TSPEAR: variants seen among roughly 807,000 people sequenced by gnomAD.
The protein encoded by TSPEAR is thrombospondin-type laminin G domain and EAR repeat-containing protein.
In TSPEAR, 69 loss-of-function variants were observed where a neutral mutation model predicts 71.6. The observed-to-expected ratio is 0.96, with a 90% confidence interval of 0.79 to 1.18. The LOEUF (loss-of-function observed/expected upper bound fraction) is 1.18, where lower values mean the gene tolerates loss of function less well. TSPEAR is among the 50% of genes most tolerant of loss of function. TSPEAR has a pLI of 0.00. For missense variants in TSPEAR, 971 were observed against 894.9 expected (o/e 1.09, Z -1.09); for synonymous variants, 402 against 387.2 (o/e 1.04, Z -0.45).
intron 1 of TSPEAR, among the ~76,000 whole-genome samples, chr21:44,570,371 C>A (rs1212091311): frequency 6.6e-6 from 1 of 152,218 alleles, no homozygotes; most frequent in Non-Finnish European, 1.5e-5. Context: ...GCAGATGAGT[C>A]CCTGACACAG....
At chr21:44,590,043 G>A (rs1254711533) in intron 1 of TSPEAR, among the ~76,000 whole-genome samples, 2 of 152,100 alleles carry the variant, frequency 1.3e-5, no homozygotes, top group African/African-American at 4.8e-5. Context: ...CGGCCCTGGG[G>A]ACGGCTGCTG....
chr21:44,585,425 T>G (rs1165360095), intron 1 of TSPEAR, among the ~76,000 whole-genome samples: 1 of 152,256 alleles, frequency 6.6e-6, no homozygotes, highest in Non-Finnish European at 1.5e-5. Context: ...CATCTTCTTT[T>G]AGTTCAAGGA....
intron 2 of TSPEAR, among the ~76,000 whole-genome samples, chr21:44,550,168 C>T (rs1464250575): frequency 6.6e-6 from 1 of 152,244 alleles, no homozygotes; most frequent in Non-Finnish European, 1.5e-5. Context: ...CCCCACAGGA[C>T]CTGGGAGGGG....
chr21:44,696,804 C>T (rs9981523), intron 1 of TSPEAR, among the ~76,000 whole-genome samples: 15,634 of 152,208 alleles, frequency 0.1, 855 homozygotes, highest in South Asian at 0.14. Context: ...CGGCTCCCTC[C>T]ACGGCCCCAC....
At chr21:44,539,947 T>C (rs201280651) in intron 2 of TSPEAR, 39 of 1,613,512 alleles carry the variant, frequency 2.4e-5, no homozygotes, top group African/African-American at 8.0e-5. Flanking sequence ...TGCAGCCTGA[T>C]TGGCAGGGGC....
chr21:44,686,482 C>CGGCCTCACACAGG (rs1569259523), intron 1 of TSPEAR: 1 of 153,460 alleles, frequency 6.5e-6, no homozygotes, highest in African/African-American at 2.4e-5. Context: ...TCTGCTGTGC[C>CGGCCTCACACAGG]GGCCCCTGTG....
At chr21:44,637,303 A>T (rs587689767) in intron 1 of TSPEAR, 1 of 1,404,160 alleles carries the variant, frequency 7.1e-7, no homozygotes, top group African/African-American at 1.4e-5. Flanking sequence ...CCTGCTGGGA[A>T]AACACAGGCC....
rs1367378735 is a variant in TSPEAR at position 44,635,550 on chromosome 21, AACAAAGCTAGAC to A, written c.83-67557_83-67546del. Among the ~76,000 whole-genome samples, 2 of 152,156 alleles carry A rather than the reference AACAAAGCTAGAC, an allele frequency of 1.3e-5. 1 individual carries two copies. The highest frequency in any genetic ancestry group is 2.9e-5 in the Non-Finnish European group (2 of 68,024). ...GTGTACCTTGAAAACATGCTGAGTGAACAAAGCTAGACACAAAGACCACATATTCCATGACTG... is the reference window on the plus strand; with the variant it reads ...GTGTACCTTGAAAACATGCTGAGTGAACAAAGACCACATATTCCATGACTG... On this transcript the variant is annotated intron_variant, in intron 1 of 11. Transcript: ENST00000323084.
chr21:44,683,644 G>A (rs1288435800), intron 1 of TSPEAR, among the ~76,000 whole-genome samples: 1 of 151,950 alleles, frequency 6.6e-6, no homozygotes, highest in Non-Finnish European at 1.5e-5. Flanking sequence ...ATTCCAGCCA[G>A]GGCAACAGAG....
chr21:44,536,716 T>A (rs1394508461), intron 2 of TSPEAR, among the ~76,000 whole-genome samples: 1 of 151,904 alleles, frequency 6.6e-6, no homozygotes, highest in African/African-American at 2.4e-5. Context: ...GAAATGGGAG[T>A]TTTAAAGATT....
intron 1 of TSPEAR, among the ~76,000 whole-genome samples, chr21:44,595,867 C>A (rs951352144): frequency 6.6e-6 from 1 of 152,184 alleles, no homozygotes; most frequent in Non-Finnish European, 1.5e-5. Flanking sequence ...GAGCTCCTTT[C>A]CTGTGAATAC....
chr21:44,678,373 T>C (rs1391872419), intron 1 of TSPEAR, among the ~76,000 whole-genome samples: 3 of 152,034 alleles, frequency 2.0e-5, no homozygotes, highest in East Asian at 1.9e-4. Flanking sequence ...TGTTTAAAAG[T>C]GTGTGGCATC....
At chr21:44,667,343 G>T (rs1324302722) in intron 1 of TSPEAR, among the ~76,000 whole-genome samples, 1 of 152,186 alleles carries the variant, frequency 6.6e-6, no homozygotes, top group Non-Finnish European at 1.5e-5. Context: ...GTGTCTAGCT[G>T]ATCTGTGGGT....
chr21:44,667,876 T>G (rs1003618501), intron 1 of TSPEAR, among the ~76,000 whole-genome samples: 2 of 152,222 alleles, frequency 1.3e-5, no homozygotes, highest in Non-Finnish European at 2.9e-5. Flanking sequence ...TCTTTCATGA[T>G]GACAACAATC....
chr21:44,540,847 G>A (rs1186590316), intron 2 of TSPEAR, among the ~76,000 whole-genome samples: 1 of 152,250 alleles, frequency 6.6e-6, no homozygotes, highest in Non-Finnish European at 1.5e-5. Flanking sequence ...CTGGGGATAG[G>A]ACTGGGTTTC....
chr21:44,659,873 G>C (rs587746103), intron 1 of TSPEAR, among the ~76,000 whole-genome samples: 1 of 152,342 alleles, frequency 6.6e-6, no homozygotes, highest in East Asian at 1.9e-4. Context: ...TAGATTAAAA[G>C]ATCAAGAGTA....
At chr21:44,700,655 GC>G (rs1569267888) in intron 1 of TSPEAR, among the ~76,000 whole-genome samples, 1 of 152,218 alleles carries the variant, frequency 6.6e-6, no homozygotes, top group African/African-American at 2.4e-5. Flanking sequence ...GGGCCCTGAA[GC>G]CTCAGCCCCT....
intron 1 of TSPEAR, chr21:44,681,878 G>T: frequency 1.2e-6 from 2 of 1,614,062 alleles, no homozygotes; most frequent in Non-Finnish European, 1.7e-6. Context: ...TGCAGAGGAC[G>T]CTGGTGCAGG....
At chr21:44,518,740 C>G in intron 9 of TSPEAR, 1 of 467,632 alleles carries the variant, frequency 2.1e-6, no homozygotes, top group South Asian at 1.6e-5. Context: ...GATAAAGCCT[C>G]AAGTCCTGCA....
Sources: allele counts gnomAD v4.1 joint callset (sites outside exome capture counted in the v4.1 genomes callset), GRCh38; gene constraint gnomAD v4.1.1; transcripts MANE v1.5; gene names NCBI Gene and HGNC (gene_info 2026-07-23, HGNC 2026-07-21).